NEDD4L: variants seen among roughly 807,000 people sequenced by gnomAD.
NEDD4L encodes E3 ubiquitin-protein ligase NEDD4-like.
NEDD4L carries 54 observed loss-of-function variants against 148.9 expected under a neutral mutation model. The observed-to-expected ratio is 0.36, with a 90% CI of 0.29 to 0.45. The LOEUF (loss-of-function observed/expected upper bound fraction) is 0.45, where lower values mean the gene tolerates loss of function less well. Ranked by LOEUF, NEDD4L falls within the 20% of genes least tolerant of loss-of-function variation. NEDD4L has a pLI of 1.00. For synonymous variants in NEDD4L, 433 were observed against 440.7 expected (o/e 0.98, Z 0.22); for missense variants, 856 against 1,233.8 (o/e 0.69, Z 4.59).
chr18:58,044,613 A>G lies in NEDD4L; in HGVS notation c.-48A>G, dbSNP rs1464788118. On this transcript the variant is annotated 5_prime_UTR_variant, in exon 1 of 31. Transcript: ENST00000400345. ...GGGGAGAACCGGCCGTCCGCGCCGCAGCACAGCCGCTGGGAGCGCCTCAGA... is the reference window on the plus strand; with the variant it reads ...GGGGAGAACCGGCCGTCCGCGCCGCGGCACAGCCGCTGGGAGCGCCTCAGA... 5 of 1,559,222 alleles carry G rather than the reference A, an allele frequency of 3.2e-6. No homozygotes were observed. Among genetic ancestry groups the G allele is most frequent in the South Asian group, 1.2e-5 (1 of 84,688 alleles).
chr18:58,357,770 G>A (rs894137102), intron 19 of NEDD4L, among the ~76,000 whole-genome samples: 3 of 152,114 alleles, frequency 2.0e-5, no homozygotes, highest in Admixed American at 6.5e-5. Context: ...CATATATGCC[G>A]GGTGGAAAAA....
intron 2 of NEDD4L, among the ~76,000 whole-genome samples, chr18:58,190,642 G>A (rs1398567322): frequency 2.6e-5 from 4 of 152,160 alleles, no homozygotes; most frequent in African/African-American, 9.7e-5. Flanking sequence ...AAGTGTGTCT[G>A]TATACAGGAG....
chr18:58,392,739 C>T (rs1056958197), intron 30 of NEDD4L, among the ~76,000 whole-genome samples: 2 of 152,162 alleles, frequency 1.3e-5, no homozygotes, highest in Non-Finnish European at 2.9e-5. Flanking sequence ...GTGTCCAAGT[C>T]ATATGTGGTT....
chr18:58,130,408 CTG>C (rs1353222272), intron 1 of NEDD4L, among the ~76,000 whole-genome samples: 1 of 121,216 alleles, frequency 8.2e-6, no homozygotes, highest in East Asian at 3.4e-4. Context: ...GTTTGGTTGA[CTG>C]TGATCTAGCG....
At chr18:58,177,096 T>TGGC (rs1261911225) in intron 2 of NEDD4L, among the ~76,000 whole-genome samples, 1 of 149,878 alleles carries the variant, frequency 6.7e-6, no homozygotes, top group Non-Finnish European at 1.5e-5. Flanking sequence ...CCTGAGCCCC[T>TGGC]GGCCCCTTCC....
At chr18:58,314,902 C>T (rs1362857422) in intron 5 of NEDD4L, among the ~76,000 whole-genome samples, 1 of 152,150 alleles carries the variant, frequency 6.6e-6, no homozygotes, top group Non-Finnish European at 1.5e-5. Context: ...CCTGCTGCTT[C>T]CTTTTAAATG....
intron 6 of NEDD4L, 51 bp from the exon 7 acceptor site, chr18:58,322,374 C>T (rs1255642354): frequency 1.1e-5 from 14 of 1,274,104 alleles, no homozygotes; most frequent in Admixed American, 9.2e-5. Context: ...GTATCTAAAA[C>T]ATGAAATTAT....
intron 1 of NEDD4L, chr18:58,149,522 T>C (rs557872100): frequency 1.9e-6 from 3 of 1,551,464 alleles, no homozygotes; most frequent in African/African-American, 1.4e-5. Context: ...ACCTTTAATA[T>C]TGTATTCTCC....
intron 1 of NEDD4L, among the ~76,000 whole-genome samples, chr18:58,111,396 G>A (rs2145667584): frequency 6.6e-6 from 1 of 150,938 alleles, no homozygotes; most frequent in East Asian, 1.9e-4. Flanking sequence ...ACCCATAAAA[G>A]GAAGCCTGTA....
chr18:58,067,332 T>G (rs546043552), intron 1 of NEDD4L, among the ~76,000 whole-genome samples: 2 of 152,356 alleles, frequency 1.3e-5, no homozygotes, highest in African/African-American at 4.8e-5. Context: ...AGTACCATAG[T>G]GATCTCAGGC....
intron 1 of NEDD4L, among the ~76,000 whole-genome samples, chr18:58,065,772 A>AGT (rs1168928423): frequency 1.1e-4 from 17 of 152,186 alleles, no homozygotes; most frequent in Non-Finnish European, 4.4e-5. Context: ...CACTTATCTT[A>AGT]GTCACTATGG....
Position 58,341,137 on chromosome 18 carries a change from C to T in NEDD4L, c.1225C>T (p.Arg409Ter). 1 of 1,612,722 alleles carries T rather than the reference C, an allele frequency of 6.2e-7. No individual in the cohort carries two copies. The highest frequency in any genetic ancestry group is 8.5e-7 in the Non-Finnish European group (1 of 1,179,468). Residue 409 changes from arginine (R) to a stop codon, truncating the protein, a stop_gained, in exon 14 of 31, where the codon CGA becomes TGA. Coordinates refer to ENST00000400345, the MANE Select transcript of NEDD4L (RefSeq NM_001144967.3). LOFTEE classifies it high-confidence loss of function. ...CACATACTATGTCAATCATAACAAT[C>T]GAACCACAACTTGGACTCGACCTAT... ...GRTYYVNHNN[R>*]TTTWTRPIMQ...
chr18:58,221,207 C>A (rs292454), intron 2 of NEDD4L, among the ~76,000 whole-genome samples: 152,329 of 152,330 alleles, frequency 1, 76,164 homozygotes, highest in Non-Finnish European at 1. Flanking sequence ...TAGTTTGTGG[C>A]AGGGTGAAGG....
At chr18:58,234,093 C>CTTTCTTTCTTTCTT (rs2045634202) in intron 2 of NEDD4L, among the ~76,000 whole-genome samples, 1 of 101,642 alleles carries the variant, frequency 9.8e-6, no homozygotes, top group East Asian at 2.7e-4. Flanking sequence ...TTCTTTCTTT[C>CTTTCTTTCTTTCTT]TTTCTTTCTT....
chr18:58,376,467 C>T (rs2047572770), intron 24 of NEDD4L, among the ~76,000 whole-genome samples: 1 of 152,138 alleles, frequency 6.6e-6, no homozygotes, highest in Admixed American at 6.5e-5. Flanking sequence ...ATTTATTTTG[C>T]ACTCTGGGAA....
Position 58,322,493 on chromosome 18 carries a change from C to T in NEDD4L, c.410+7C>T. Reference sequence around the variant, plus strand: ...TTCTCCTCAGACCAAGAAGGTGAGGCTTGTGGGTATGGGTGGGTGGGGATG... The same window carrying T: ...TTCTCCTCAGACCAAGAAGGTGAGGTTTGTGGGTATGGGTGGGTGGGGATG... On this transcript the variant is annotated splice_region_variant and intron_variant, in intron 7 of 30. Transcript: ENST00000400345. The T allele has an allele frequency of 3.5e-6, 2 of 569,676 alleles. No homozygotes were observed. Among genetic ancestry groups the T allele is most frequent in the Non-Finnish European group, 6.7e-6 (2 of 299,174 alleles). The allele number at this position is 569,676 out of a possible 1,614,324, so 35.3% of individuals were successfully genotyped here. A position where few individuals can be genotyped will look rare whatever the true frequency, so the allele number is the denominator to read the frequency against.
At chr18:58,276,805 G>T (rs61255858) in intron 5 of NEDD4L, among the ~76,000 whole-genome samples, 1 of 151,940 alleles carries the variant, frequency 6.6e-6, no homozygotes, top group East Asian at 1.9e-4. Context: ...AAGGAAAGCC[G>T]CATGATGCCA....
At chr18:58,114,959 A>G (rs2145724406) in intron 1 of NEDD4L, among the ~76,000 whole-genome samples, 2 of 152,328 alleles carry the variant, frequency 1.3e-5, no homozygotes, top group Middle Eastern at 3.4e-3. Context: ...TGGATAATCC[A>G]GGATAATCTC....
intron 8 of NEDD4L, 53 bp from the exon 9 acceptor site, chr18:58,324,939 TCTTA>T: frequency 6.6e-7 from 1 of 1,516,162 alleles, no homozygotes; most frequent in South Asian, 1.2e-5. Context: ...TGTGATGACC[TCTTA>T]CTCACAGCCG....
Sources: gnomAD v4.1 joint callset for allele counts (sites outside exome capture counted in the v4.1 genomes callset) on GRCh38, gnomAD v4.1.1 for gene constraint, MANE v1.5 for transcripts, NCBI Gene and HGNC (gene_info 2026-07-23, HGNC 2026-07-21) for gene names.